Variants in CFAP77 observed in about 807,000 individuals in gnomAD.
CFAP77 encodes cilia- and flagella-associated protein 77.
Under a neutral mutation model 31.1 loss-of-function variants are expected in CFAP77, and 25 were observed. The ratio of observed to expected loss-of-function variants is 0.80; its 90% CI spans 0.59 to 1.12. The LOEUF is 1.12. CFAP77 is among the 50% of genes most tolerant of loss of function. The pLI is 0.00. For missense variants in CFAP77, 377 were observed against 397.3 expected (o/e 0.95, Z 0.44); for synonymous variants, 151 against 159.9 (o/e 0.94, Z 0.42).
At chr9:132,536,411 G>A (rs36065643) in intron 3 of CFAP77, among the ~76,000 whole-genome samples, 1 of 106,514 alleles carries the variant, frequency 9.4e-6, no homozygotes, top group Non-Finnish European at 2.0e-5. Context: ...TTTTTTTTTT[G>A]GAGACAGAGT....
At chr9:132,427,844 A>C (rs956428039) in intron 1 of CFAP77, among the ~76,000 whole-genome samples, 1 of 152,136 alleles carries the variant, frequency 6.6e-6, no homozygotes, top group African/African-American at 2.4e-5. Flanking sequence ...TCATAATTAC[A>C]AATTATCTTG....
Position 132,572,511 on chromosome 9 carries a change from C to T in CFAP77, c.*1C>T. ...GATGGGCAACTACACCCACCCCTAG[C>T]CCCTCCCTCCCCTGCCACAAGAAGC... On this transcript the variant is annotated 3_prime_UTR_variant, in exon 6 of 6. Coordinates refer to ENST00000393216, the MANE Select transcript of CFAP77 (RefSeq NM_001282957.2). 1 of 1,598,488 alleles carries T rather than the reference C, an allele frequency of 6.3e-7. No homozygotes were observed. The highest frequency in any genetic ancestry group is 8.5e-7 in the Non-Finnish European group (1 of 1,176,390).
intron 5 of CFAP77, among the ~76,000 whole-genome samples, chr9:132,551,277 G>A (rs1004663886): frequency 1.4e-5 from 2 of 144,640 alleles, no homozygotes; most frequent in African/African-American, 5.1e-5. Context: ...GCCAGCCTGG[G>A]TGCCCTTTTT....
At chr9:132,567,681 T>C (rs1829901742) in intron 5 of CFAP77, among the ~76,000 whole-genome samples, 8 of 152,216 alleles carry the variant, frequency 5.3e-5, no homozygotes, top group Admixed American at 5.2e-4. Context: ...ATGTTTGTTT[T>C]CACAGTTCTG....
intron 5 of CFAP77, among the ~76,000 whole-genome samples, chr9:132,551,733 A>G (rs1407366060): frequency 2.6e-5 from 4 of 152,216 alleles, no homozygotes; most frequent in Non-Finnish European, 5.9e-5. Context: ...CCCAAGGTTA[A>G]TAGCTAGCAT....
chr9:132,451,089 C>A (rs985569024), intron 1 of CFAP77, among the ~76,000 whole-genome samples: 14 of 152,140 alleles, frequency 9.2e-5, no homozygotes, highest in African/African-American at 3.4e-4. Flanking sequence ...GTAATCTCAG[C>A]ACTCTGGGAG....
chr9:132,475,844 C>T (rs1851339288), intron 1 of CFAP77, among the ~76,000 whole-genome samples: 1 of 152,154 alleles, frequency 6.6e-6, no homozygotes, highest in African/African-American at 2.4e-5. Flanking sequence ...TCCAGCTTTC[C>T]CAAACTGCAG....
chr9:132,478,379 G>A (rs1006401480), intron 1 of CFAP77, among the ~76,000 whole-genome samples: 4 of 152,000 alleles, frequency 2.6e-5, no homozygotes, highest in Admixed American at 2.6e-4. Flanking sequence ...CGCGGCACTG[G>A]TTCCCCCCAT....
At chr9:132,510,031 C>T (rs559478257) in intron 3 of CFAP77, among the ~76,000 whole-genome samples, 9 of 152,278 alleles carry the variant, frequency 5.9e-5, no homozygotes, top group East Asian at 1.9e-4. Context: ...TCCTGTGGCC[C>T]GGACAGAGAT....
At chr9:132,431,574 T>C (rs1850412336) in intron 1 of CFAP77, among the ~76,000 whole-genome samples, 1 of 152,106 alleles carries the variant, frequency 6.6e-6, no homozygotes, top group South Asian at 2.1e-4. Flanking sequence ...GAAAATACAA[T>C]GTCTGAGGTA....
rs972782139 is a variant in CFAP77 at position 132,424,051 on chromosome 9, C to T, written c.195+13585C>T. Among the ~76,000 whole-genome samples the T allele has an allele frequency of 2.6e-5, 4 of 152,296 alleles. No individual in the cohort carries two copies. The highest frequency in any genetic ancestry group is 1.9e-4 in the East Asian group (1 of 5,184). On this transcript the variant is annotated intron_variant, in intron 1 of 5. Transcript: ENST00000393216. This position sits in a 1 kb window ranked among gnomAD's most constrained non-coding sequence, Gnocchi z 4.1. ...AATTCACATCACACACGTGCACCTA[C>T]GGCCAGAAGTTGACTGCACAAGGCT... is the stretch of plus-strand genomic sequence containing the variant.
In CFAP77 at chr9:132,499,426, C is replaced by T. The variant is rs751891643; in HGVS notation, c.350C>T (p.Thr117Ile). The T allele has an allele frequency of 3.7e-6, 6 of 1,614,106 alleles. No homozygotes were observed. In the East Asian group the frequency reaches 8.9e-5, roughly 24 times the overall value. ...CAGCCCACCTGCCCCCACGAGCTGA[C>T]CCGGAATTATATCGCAATGAACCGC... is the stretch of plus-strand genomic sequence containing the variant. Reference protein sequence around the residue: ...KQQPTCPHELTRNYIAMNRGA... With the variant: ...KQQPTCPHELIRNYIAMNRGA... The change falls in exon 3 of 6, where the codon ACC becomes ATC. Residue 117 changes from threonine to isoleucine, a missense_variant. Coordinates refer to ENST00000393216, the MANE Select transcript of CFAP77 (RefSeq NM_001282957.2). The surrounding 1 kb of genome is among the most constrained non-coding windows in gnomAD (Gnocchi z 5.4).
rs568787129 is a variant in CFAP77, at chr9:132,529,430, C to T, written c.525-8171C>T. Among the ~76,000 whole-genome samples, 48 of 131,234 alleles carry T rather than the reference C, an allele frequency of 3.7e-4. 1 individual carries two copies. Among genetic ancestry groups the T allele is most frequent in the African/African-American group, 1.0e-3 (39 of 37,192 alleles). 86.1% of individuals were successfully genotyped at this position (131,234 alleles called of 152,430 possible). A position where few individuals can be genotyped will look rare whatever the true frequency, so the allele number is the denominator to read the frequency against. On this transcript the variant is annotated intron_variant, in intron 3 of 5. Transcript: ENST00000393216. ...CTAAATGACACGTTAGTGGGTGCAG[C>T]GCACCAGCATGGCACATGTATACAT...
chr9:132,427,889 C>T (rs1487583457), intron 1 of CFAP77, among the ~76,000 whole-genome samples: 1 of 152,214 alleles, frequency 6.6e-6, no homozygotes, highest in Non-Finnish European at 1.5e-5. Context: ...ACCACATTCT[C>T]AGGTACTGGG....
chr9:132,524,295 G>C (rs1391860489), intron 3 of CFAP77, among the ~76,000 whole-genome samples: 3 of 151,898 alleles, frequency 2.0e-5, no homozygotes, highest in Admixed American at 6.6e-5. Flanking sequence ...ACAATTGGGA[G>C]AGCTTGTGTG....
At chr9:132,502,265 A>AT (rs571665067) in intron 3 of CFAP77, among the ~76,000 whole-genome samples, 936 of 83,854 alleles carry the variant, frequency 0.011, 8 homozygotes, top group African/African-American at 0.032. Flanking sequence ...ATATATATAT[A>AT]TTTTTTTTTT....
chr9:132,462,176 C>T (rs932999865), intron 1 of CFAP77, among the ~76,000 whole-genome samples: 1 of 152,102 alleles, frequency 6.6e-6, no homozygotes, highest in Non-Finnish European at 1.5e-5. Flanking sequence ...GTCTTGGAGT[C>T]GCAGAAAGGG....
intron 3 of CFAP77, among the ~76,000 whole-genome samples, chr9:132,520,712 C>T (rs1852249969): frequency 6.6e-6 from 1 of 152,224 alleles, no homozygotes; most frequent in Admixed American, 6.5e-5. Context: ...CTTCCCCTGC[C>T]TCCAGGAGGA....
At chr9:132,410,552 C>G in intron 1 of CFAP77, 86 bp downstream of exon 1, 1 of 1,204,208 alleles carries the variant, frequency 8.3e-7, no homozygotes. Context: ...AGCGCCCTGG[C>G]CCCGCGGCCC....
Sources: allele counts gnomAD v4.1 joint callset (sites outside exome capture counted in the v4.1 genomes callset), GRCh38; gene constraint gnomAD v4.1.1; non-coding constraint Gnocchi (gnomAD v3.1); transcripts MANE v1.5; gene names NCBI Gene and HGNC (gene_info 2026-07-23, HGNC 2026-07-21).